CALN1: variants seen among roughly 807,000 people sequenced by gnomAD.
CALN1 encodes calcium-binding protein 8.
A neutral mutation model predicts 30.6 loss-of-function variants in CALN1; 17 were observed. The ratio of observed to expected loss-of-function variants is 0.56; its 90% confidence interval spans 0.38 to 0.83. The LOEUF is 0.83. Ranked by LOEUF, CALN1 falls within the 40% of genes least tolerant of loss-of-function variation. CALN1 has a pLI of 0.00. For synonymous variants in CALN1, 156 were observed against 131.4 expected (o/e 1.19, Z -1.28); for missense variants, 291 against 354.9 (o/e 0.82, Z 1.45).
the CALN1 span, among the ~76,000 whole-genome samples, chr7:72,495,813 C>T: frequency 6.6e-6 from 1 of 152,368 alleles, no homozygotes; most frequent in South Asian, 2.1e-4. Flanking sequence ...TGATATCTAG[C>T]ATCCTTCCTG....
intron 3 of CALN1, among the ~76,000 whole-genome samples, chr7:72,248,745 G>T (rs1195667932): frequency 6.6e-6 from 1 of 151,894 alleles, no homozygotes; most frequent in African/African-American, 2.4e-5. Context: ...CACATCTTTA[G>T]GGGGATATCT....
At chr7:72,249,466 G>A (rs1795402495) in intron 3 of CALN1, among the ~76,000 whole-genome samples, 1 of 151,778 alleles carries the variant, frequency 6.6e-6, no homozygotes, top group African/African-American at 2.4e-5. Flanking sequence ...CAGGCAAGAA[G>A]GCACACTTTT....
At chr7:72,430,964 A>ATTT (rs781481392) in intron 1 of CALN1, among the ~76,000 whole-genome samples, 19 of 118,972 alleles carry the variant, frequency 1.6e-4, no homozygotes, top group African/African-American at 3.2e-4. Flanking sequence ...AAGCCAAGCT[A>ATTT]TTTTTTTTTT....
At chr7:72,339,778 C>G (rs968786489) in intron 2 of CALN1, among the ~76,000 whole-genome samples, 5 of 152,118 alleles carry the variant, frequency 3.3e-5, no homozygotes, top group African/African-American at 1.2e-4. Context: ...GGGGGAACTC[C>G]CATTGATAAA....
intron 5 of CALN1, among the ~76,000 whole-genome samples, chr7:71,895,204 C>T (rs969748894): frequency 1.3e-5 from 2 of 152,196 alleles, no homozygotes; most frequent in African/African-American, 4.8e-5. Context: ...ATCCACCTTC[C>T]TTGACCTCCC....
At chr7:72,253,373 T>C (rs376480407) in intron 3 of CALN1, among the ~76,000 whole-genome samples, 81 of 152,322 alleles carry the variant, frequency 5.3e-4, no homozygotes, top group African/African-American at 1.9e-3. Context: ...AGATAACAAT[T>C]CCCATTTGTG....
intron 5 of CALN1, among the ~76,000 whole-genome samples, chr7:71,812,631 C>G (rs1221004310): frequency 1.3e-5 from 2 of 152,150 alleles, no homozygotes; most frequent in Admixed American, 1.3e-4. Flanking sequence ...AAATAAAAAC[C>G]ACTCAGAAAT....
chr7:72,275,493 G>A (rs1327167668), intron 3 of CALN1, among the ~76,000 whole-genome samples: 1 of 152,126 alleles, frequency 6.6e-6, no homozygotes. Context: ...TAATAAACCA[G>A]GAACAGTCAT....
chr7:71,979,665 CG>C (rs151193610), intron 5 of CALN1, among the ~76,000 whole-genome samples: 6 of 151,848 alleles, frequency 4.0e-5, no homozygotes, highest in Non-Finnish European at 8.8e-5. Context: ...GCTCCACGGC[CG>C]GGGGGTTGGG....
chr7:71,969,137 T>C (rs1022348447), intron 5 of CALN1, among the ~76,000 whole-genome samples: 2 of 152,050 alleles, frequency 1.3e-5, no homozygotes, highest in African/African-American at 2.4e-5. Flanking sequence ...CTCCCCTTCA[T>C]GTGGAGTCAA....
At chr7:72,198,403 T>C (rs1359569698) in intron 3 of CALN1, among the ~76,000 whole-genome samples, 4 of 152,224 alleles carry the variant, frequency 2.6e-5, no homozygotes, top group Admixed American at 1.3e-4. Flanking sequence ...TTACCTGAGA[T>C]TAGATAAAAA....
chr7:72,310,558 C>T (rs927200693), intron 2 of CALN1, among the ~76,000 whole-genome samples: 1 of 151,816 alleles, frequency 6.6e-6, no homozygotes, highest in African/African-American at 2.4e-5. Flanking sequence ...CAGCCATGTG[C>T]TGGCATGGTG....
chr7:71,953,806 C>A, intron 5 of CALN1, among the ~76,000 whole-genome samples: 1 of 151,868 alleles, frequency 6.6e-6, no homozygotes, highest in East Asian at 1.9e-4. Context: ...TCTGATGGGG[C>A]TGGGCTGATG....
At chr7:71,978,793 C>T (rs1798239427) in intron 5 of CALN1, among the ~76,000 whole-genome samples, 1 of 152,216 alleles carries the variant, frequency 6.6e-6, no homozygotes, top group African/African-American at 2.4e-5. Flanking sequence ...GACTATTATG[C>T]TTTCACTATA....
At position 71,942,220 on chromosome 7, in the gene CALN1, AAC is replaced by A. The variant is rs563042981; in HGVS notation, c.501+81435_501+81436del. ...CTCAAAAACGAAAAACAAAAAACAG[AAC>A]AGTCAACTGACTCTGCCAGACCGCC... On this transcript the variant is annotated intron_variant, in intron 5 of 6. Coordinates refer to ENST00000395275, the MANE Select transcript of CALN1 (RefSeq NM_031468.4). 216 of 177,544 alleles carry A rather than the reference AAC, an allele frequency of 1.2e-3. 1 individual carries two copies. Among genetic ancestry groups the A allele is most frequent in the Admixed American group, 2.5e-3 (40 of 16,274 alleles). 11.0% of individuals were successfully genotyped at this position (177,544 alleles called of 1,614,324 possible).
At chr7:72,037,477 C>CTG (rs1801872774) in intron 4 of CALN1, among the ~76,000 whole-genome samples, 1 of 152,086 alleles carries the variant, frequency 6.6e-6, no homozygotes, top group Admixed American at 6.6e-5. Context: ...ATAGTCGAAC[C>CTG]ATATCATTTA....
chr7:72,405,980 C>T (rs4348366), intron 1 of CALN1, among the ~76,000 whole-genome samples: 94,869 of 152,034 alleles, frequency 0.62, 31,440 homozygotes, highest in African/African-American at 0.86. Context: ...ACTTAATGAC[C>T]TGGAACCTGC....
At chr7:71,906,970 T>C (rs939780680) in intron 5 of CALN1, among the ~76,000 whole-genome samples, 11 of 152,070 alleles carry the variant, frequency 7.2e-5, no homozygotes, top group African/African-American at 2.7e-4. Context: ...TGAGGAGGTT[T>C]CCCCACCCGG....
At chr7:72,307,033 C>CG (rs1389050741) in intron 2 of CALN1, among the ~76,000 whole-genome samples, 1 of 152,150 alleles carries the variant, frequency 6.6e-6, no homozygotes, top group Non-Finnish European at 1.5e-5. Flanking sequence ...CTAACTAGGT[C>CG]GACAGCAAAT....
Sources: allele counts gnomAD v4.1 joint callset (sites outside exome capture counted in the v4.1 genomes callset), GRCh38; gene constraint gnomAD v4.1.1; transcripts MANE v1.5; gene names NCBI Gene and HGNC (gene_info 2026-07-23, HGNC 2026-07-21).